PDLIM5: variants seen among roughly 807,000 people sequenced by gnomAD.
PDLIM5 encodes the protein PDZ and LIM domain 5, also known as PDZ and LIM domain protein 5.
Under a neutral mutation model 64.2 loss-of-function variants are expected in PDLIM5, and 34 were observed. The ratio of observed to expected loss-of-function variants is 0.53; its 90% confidence interval spans 0.40 to 0.71. PDLIM5 has a LOEUF of 0.71. PDLIM5 is among the 30% of genes least tolerant of loss of function. The probability of loss-of-function intolerance (pLI) is 0.00; values close to 1 mark genes in which losing one functional copy is unlikely to be tolerated. For missense variants in PDLIM5, 683 were observed against 733.6 expected (o/e 0.93, Z 0.80); for synonymous variants, 253 against 269.1 (o/e 0.94, Z 0.59).
At chr4:94,572,875 A>T (rs1734925925) in intron 3 of PDLIM5, among the ~76,000 whole-genome samples, 1 of 152,206 alleles carries the variant, frequency 6.6e-6, no homozygotes, top group Non-Finnish European at 1.5e-5. Context: ...ATTCAACTAG[A>T]ATGTATTCAG....
At chr4:94,471,986 A>G (rs977122324) in intron 2 of PDLIM5, among the ~76,000 whole-genome samples, 6 of 152,206 alleles carry the variant, frequency 3.9e-5, no homozygotes, top group Admixed American at 6.5e-5. Flanking sequence ...TAAAGACCTT[A>G]TAAGTATTTA....
rs974650863 is a variant in PDLIM5, at chr4:94,664,484, T to C, written c.*417T>C. On this transcript the variant is annotated 3_prime_UTR_variant, in exon 13 of 13. Transcript: ENST00000317968. Reference sequence around the variant, plus strand: ...TTAAATTTTATCAATAACAGAATTATTGTATTTAAAAAAAAACTAATACTT... The same window carrying C: ...TTAAATTTTATCAATAACAGAATTACTGTATTTAAAAAAAAACTAATACTT... 50 of 722,390 alleles carry C rather than the reference T, an allele frequency of 6.9e-5. No individual in the cohort carries two copies. The highest frequency in any genetic ancestry group is 7.9e-5 in the Non-Finnish European group (47 of 595,756). 44.7% of individuals were successfully genotyped at this position (722,390 alleles called of 1,614,324 possible). A position where few individuals can be genotyped will look rare whatever the true frequency, so the allele number is the denominator to read the frequency against.
chr4:94,608,160 T>G, intron 7 of PDLIM5: 1 of 1,530,840 alleles, frequency 6.5e-7, no homozygotes, highest in Non-Finnish European at 8.8e-7. Flanking sequence ...CTTTCTAAAG[T>G]AGCAACTACT....
chr4:94,637,151 T>C (rs1740638375), intron 8 of PDLIM5, among the ~76,000 whole-genome samples: 1 of 152,164 alleles, frequency 6.6e-6, no homozygotes, highest in African/African-American at 2.4e-5. Flanking sequence ...TTCAAGACTT[T>C]TACTTGCTAT....
At chr4:94,540,337 C>A (rs1236724770) in intron 3 of PDLIM5, among the ~76,000 whole-genome samples, 1 of 152,128 alleles carries the variant, frequency 6.6e-6, no homozygotes, top group Non-Finnish European at 1.5e-5. Flanking sequence ...CCAGGATGGT[C>A]TCGATCTCCT....
chr4:94,549,258 G>A (rs1358353049), intron 3 of PDLIM5, among the ~76,000 whole-genome samples: 1 of 152,156 alleles, frequency 6.6e-6, no homozygotes, highest in Non-Finnish European at 1.5e-5. Flanking sequence ...GGAGTACAGG[G>A]TTAGTTGCTA....
chr4:94,595,128 C>T (rs988351041), intron 7 of PDLIM5, among the ~76,000 whole-genome samples: 1 of 152,164 alleles, frequency 6.6e-6, no homozygotes, highest in African/African-American at 2.4e-5. Flanking sequence ...AGAACAATCT[C>T]ACTGTCACAA....
chr4:94,584,625 T>G (rs1341199012), intron 5 of PDLIM5: 1 of 205,994 alleles, frequency 4.9e-6, no homozygotes, highest in Non-Finnish European at 9.7e-6. Flanking sequence ...TACCTGTACA[T>G]ATGAATGAGA....
rs965838538 is a variant in PDLIM5, at chr4:94,650,028, A to G, written c.1284-4432A>G. Among the ~76,000 whole-genome samples the G allele has an allele frequency of 2.6e-5, 4 of 152,370 alleles. No individual in the cohort carries two copies. In the East Asian group the frequency reaches 7.7e-4, roughly 29 times the overall value. ...TGAAAGTTAAAGTTGACATTCAGCGAAAGAATTACTTTTTAATGTTCCAAA... is the reference window on the plus strand; with the variant it reads ...TGAAAGTTAAAGTTGACATTCAGCGGAAGAATTACTTTTTAATGTTCCAAA... On this transcript the variant is annotated intron_variant, in intron 9 of 12. Transcript: ENST00000317968.
intron 2 of PDLIM5, among the ~76,000 whole-genome samples, chr4:94,482,397 G>A (rs888396252): frequency 4.0e-5 from 6 of 151,738 alleles, no homozygotes; most frequent in African/African-American, 1.5e-4. Context: ...GTTCAATATT[G>A]GTTTGTGCAT....
At chr4:94,526,694 C>G (rs1475140427) in intron 3 of PDLIM5, among the ~76,000 whole-genome samples, 2 of 151,732 alleles carry the variant, frequency 1.3e-5, no homozygotes, top group African/African-American at 4.8e-5. Flanking sequence ...TCTCTTATAT[C>G]AAAGTAAGTA....
At chr4:94,632,554 A>G (rs1740242034) in intron 8 of PDLIM5, among the ~76,000 whole-genome samples, 1 of 152,222 alleles carries the variant, frequency 6.6e-6, no homozygotes, top group Admixed American at 6.5e-5. Flanking sequence ...GGTAGGGAAA[A>G]TAATGCCCCT....
intron 9 of PDLIM5, among the ~76,000 whole-genome samples, chr4:94,647,405 G>T (rs986561288): frequency 1.3e-5 from 2 of 152,024 alleles, no homozygotes; most frequent in Non-Finnish European, 2.9e-5. Context: ...TAGAGACAGA[G>T]TAGTACATTT....
chr4:94,591,619 G>A (rs1057138870), intron 7 of PDLIM5, among the ~76,000 whole-genome samples: 16 of 152,172 alleles, frequency 1.1e-4, no homozygotes, highest in Admixed American at 8.5e-4. Context: ...GGGAAGAGAG[G>A]GAAGTAAAAA....
At chr4:94,644,552 A>C (rs993543716) in intron 9 of PDLIM5, among the ~76,000 whole-genome samples, 2 of 151,222 alleles carry the variant, frequency 1.3e-5, no homozygotes, top group African/African-American at 4.9e-5. Flanking sequence ...TTGAGATGGA[A>C]TCTCCCTCTG....
At chr4:94,551,015 G>T (rs1285573474) in intron 3 of PDLIM5, among the ~76,000 whole-genome samples, 1 of 151,986 alleles carries the variant, frequency 6.6e-6, no homozygotes, top group Admixed American at 6.6e-5. Flanking sequence ...AATTCAAAAG[G>T]AAAGGCAAAG....
At chr4:94,650,458 G>GT (rs1356558485) in intron 9 of PDLIM5, among the ~76,000 whole-genome samples, 1 of 152,062 alleles carries the variant, frequency 6.6e-6, no homozygotes, top group Non-Finnish European at 1.5e-5. Context: ...TGGGAAACTT[G>GT]TTTTTTACTT....
intron 2 of PDLIM5, among the ~76,000 whole-genome samples, chr4:94,509,250 C>T (rs981130866): frequency 3.3e-5 from 5 of 152,118 alleles, no homozygotes; most frequent in African/African-American, 1.2e-4. Context: ...GGTCTCTGTT[C>T]AAATGTCACC....
At chr4:94,495,130 T>C (rs1189148232) in intron 2 of PDLIM5, among the ~76,000 whole-genome samples, 1 of 152,140 alleles carries the variant, frequency 6.6e-6, no homozygotes, top group East Asian at 1.9e-4. Flanking sequence ...AACACTAACT[T>C]TATGCTTGGA....
Sources: gnomAD v4.1 joint callset for allele counts (sites outside exome capture counted in the v4.1 genomes callset) on GRCh38, gnomAD v4.1.1 for gene constraint, MANE v1.5 for transcripts, NCBI Gene and HGNC (gene_info 2026-07-23, HGNC 2026-07-21) for gene names.